COQ6: variants seen among roughly 807,000 people sequenced by gnomAD.
COQ6 encodes ubiquinone biosynthesis monooxygenase COQ6, mitochondrial.
In COQ6, 45 loss-of-function variants were observed where a neutral mutation model predicts 55.5. The observed-to-expected ratio is 0.81, with a 90% CI of 0.64 to 1.04. The LOEUF (loss-of-function observed/expected upper bound fraction) is 1.04, where lower values mean the gene tolerates loss of function less well. COQ6 is among the 50% of genes least tolerant of loss of function. The probability of loss-of-function intolerance (pLI) is 0.00; values close to 1 mark genes in which losing one functional copy is unlikely to be tolerated. For synonymous variants in COQ6, 206 were observed against 230.5 expected (o/e 0.89, Z 0.96); for missense variants, 550 against 601.3 (o/e 0.91, Z 0.89).
In COQ6 at chr14:73,958,996, G is replaced by C; in HGVS notation, c.638G>C (p.Gly213Ala). The change falls in exon 6 of 12, where the codon GGA (glycine) becomes GCA (alanine). Residue 213 changes from glycine (G) to alanine (A), a missense_variant. By Grantham distance (60) the Gly-to-Ala change is moderately conservative. Transcript: ENST00000334571. Reference sequence around the variant, plus strand: ...ATAGGTGCAGATGGTCACAACTCCGGAGTACGGCAGGCTGTTGGAATCCAG... The same window carrying C: ...ATAGGTGCAGATGGTCACAACTCCGCAGTACGGCAGGCTGTTGGAATCCAG... ...LLIGADGHNS[G>A]VRQAVGIQNV... The C allele has an allele frequency of 6.2e-7, 1 of 1,614,118 alleles. No individual in the cohort carries two copies. The highest frequency in any genetic ancestry group is 8.5e-7 in the Non-Finnish European group (1 of 1,180,042).
intron 1 of COQ6, 28 bp downstream of exon 1, chr14:73,950,523 C>A: frequency 6.3e-7 from 1 of 1,580,418 alleles, no homozygotes; most frequent in Non-Finnish European, 8.6e-7. Context: ...CTACTAGTGG[C>A]CGGAAACCGG....
intron 11 of COQ6, 192 bp from the exon 12 acceptor site, chr14:73,962,778 C>T (rs528224818): frequency 1.6e-6 from 1 of 611,864 alleles, no homozygotes; most frequent in African/African-American, 1.9e-5. Flanking sequence ...GATCACACCA[C>T]TGCACTCCAG....
At chr14:73,958,327 T>TC (rs2056542440) in intron 5 of COQ6, 50 bp downstream of exon 5, 16 of 1,612,030 alleles carry the variant, frequency 9.9e-6, no homozygotes, top group Non-Finnish European at 1.4e-5. Context: ...CTACATCTTA[T>TC]CCTAGATTCT....
upstream of COQ6, chr14:73,949,982 C>T: frequency 6.2e-7 from 1 of 1,613,528 alleles, no homozygotes. Context: ...CCTGACGGCT[C>T]CCCTCCGCGC....
chr14:73,954,949 AT>A (rs1446614095), intron 2 of COQ6, among the ~76,000 whole-genome samples: 12 of 91,726 alleles, frequency 1.3e-4, no homozygotes, highest in African/African-American at 3.5e-4. Flanking sequence ...TTTTTTTTTT[AT>A]TTTATTTTTT....
At chr14:73,958,366 A>G in intron 5 of COQ6, 89 bp downstream of exon 5, 1 of 1,597,944 alleles carries the variant, frequency 6.3e-7, no homozygotes. Context: ...TTTAAGCTAT[A>G]GTTTAATTTT....
Position 73,955,874 on chromosome 14 carries a change from G to T in COQ6, c.427G>T (p.Val143Leu), listed in dbSNP as rs144520464. 57 of 1,614,034 alleles carry T rather than the reference G, an allele frequency of 3.5e-5. 1 individual carries two copies. The highest frequency in any genetic ancestry group is 4.7e-5 in the Non-Finnish European group (55 of 1,180,032). Residue 143 changes from valine to leucine, a missense_variant, in exon 4 of 12, where the codon GTG becomes TTG. Val to Leu is a conservative substitution (Grantham distance 32). Coordinates refer to ENST00000334571, the MANE Select transcript of COQ6 (RefSeq NM_182476.3). Reference protein sequence around the residue: ...KDNLDDMGYIVENDVIMHALT... With the variant: ...KDNLDDMGYILENDVIMHALT... ...TAATTTAGATGACATGGGCTATATC[G>T]TGGAGAATGATGTCATCATGCATGC...
intron 11 of COQ6, among the ~76,000 whole-genome samples, chr14:73,962,326 A>G (rs1248863428): frequency 6.6e-6 from 1 of 152,080 alleles, no homozygotes; most frequent in Non-Finnish European, 1.5e-5. Flanking sequence ...AAGGGTTACA[A>G]GCAGAAGAGT....
At chr14:73,956,083 T>C in intron 4 of COQ6, 155 bp downstream of exon 4, 4 of 1,062,468 alleles carry the variant, frequency 3.8e-6, no homozygotes, top group Non-Finnish European at 5.6e-6. Context: ...CCAGCACTTT[T>C]GGAGGCTAAG....
chr14:73,950,108 C>G, upstream of COQ6: 1 of 1,602,640 alleles, frequency 6.2e-7, no homozygotes, highest in Non-Finnish European at 8.5e-7. Flanking sequence ...GGGCCAGGGT[C>G]CACCCCTTTC....
At chr14:73,959,918 C>T (rs750419856) in intron 8 of COQ6, 10 of 1,171,420 alleles carry the variant, frequency 8.5e-6, no homozygotes, top group Non-Finnish European at 1.1e-5. Flanking sequence ...TCAGCTGTCC[C>T]TTTCTACTTT....
chr14:73,958,923 A>G, intron 5 of COQ6, 48 bp from the exon 6 acceptor site: 1 of 1,610,480 alleles, frequency 6.2e-7, no homozygotes, highest in Non-Finnish European at 8.5e-7. Flanking sequence ...CTTCTGAAGC[A>G]GTTTATGAAG....
rs2056576340 is a variant in COQ6 at position 73,959,003 on chromosome 14, G to A, written c.645G>A (p.Arg215=). The change falls in exon 6 of 12, where the codon CGG becomes CGA. Residue 215 remains arginine (R), a synonymous_variant. Transcript: ENST00000334571. ...CAGATGGTCACAACTCCGGAGTACG[G>A]CAGGCTGTTGGAATCCAGAATGTGA... ...IGADGHNSGV[R]QAVGIQNVSW... is the part of the protein sequence containing the mutation. 6.2e-7 allele frequency: 1 copy of A among 1,614,124 alleles called. No homozygotes were observed. The highest frequency in any genetic ancestry group is 1.1e-5 in the South Asian group (1 of 91,072).
At chr14:73,960,760 A>G (rs1206331565) in intron 8 of COQ6, 2 of 426,832 alleles carry the variant, frequency 4.7e-6, no homozygotes, top group Non-Finnish European at 7.9e-6. Flanking sequence ...GGAAACACAG[A>G]GAAAGACTGG....
At position 73,950,475 on chromosome 14, in the gene COQ6, C is replaced by A; in HGVS notation, c.143C>A (p.Ala48Asp). The A allele has an allele frequency of 6.2e-7, 1 of 1,608,774 alleles. No homozygotes were observed. The highest frequency in any genetic ancestry group is 8.5e-7 in the Non-Finnish European group (1 of 1,178,348). The stretch of plus-strand genomic sequence containing the variant: ...GTGTCGGGTGGAGGCCTGGTGGGCG[C>A]TGCCATGGCCTGTGCCTTGGGTAAG... ...VVVSGGGLVG[A>D]AMACALGYDI... The change falls in exon 1 of 12, where the codon GCT (alanine) becomes GAT (aspartate). Residue 48 changes from alanine to aspartate, a missense_variant. Coordinates refer to ENST00000334571, the MANE Select transcript of COQ6 (RefSeq NM_182476.3).
In COQ6 at chr14:73,955,471, A is replaced by G; in HGVS notation, c.319A>G (p.Ile107Val). Residue 107 changes from isoleucine (I) to valine (V), a missense_variant, in exon 3 of 12, where the codon ATC becomes GTC. Ile to Val is a conservative substitution (Grantham distance 29). Coordinates refer to ENST00000334571, the MANE Select transcript of COQ6 (RefSeq NM_182476.3). ...LLSSFGAWDH[I>V]CNMRYRAFRR... ...TGTAGGTTTTGGTGCCTGGGACCATATCTGCAACATGAGATACAGAGCCTT... is the reference window on the plus strand; with the variant it reads ...TGTAGGTTTTGGTGCCTGGGACCATGTCTGCAACATGAGATACAGAGCCTT... The G allele has an allele frequency of 6.2e-7, 1 of 1,614,154 alleles. No homozygotes were observed. The highest frequency in any genetic ancestry group is 8.5e-7 in the Non-Finnish European group (1 of 1,180,002).
At position 73,963,023 on chromosome 14, in the gene COQ6, T is replaced by TA. The variant is rs1372179807; in HGVS notation, c.*25dup. 6.3e-7 allele frequency: 1 copy of TA among 1,583,014 alleles called. No homozygotes were observed. Among genetic ancestry groups the TA allele is most frequent in the Non-Finnish European group, 8.7e-7 (1 of 1,151,632 alleles). On this transcript the variant is annotated 3_prime_UTR_variant, in exon 12 of 12. Coordinates refer to ENST00000334571, the MANE Select transcript of COQ6 (RefSeq NM_182476.3). ...GAGTACTCCTCTCCTAAAGAAAGAT[T>TA]ACGTTGATGAAAAAGAACATCCTGC... is the stretch of plus-strand genomic sequence containing the variant.
chr14:73,962,799 AGAGT>A (rs1356518046), intron 11 of COQ6, 167 bp from the exon 12 acceptor site: 3 of 633,620 alleles, frequency 4.7e-6, no homozygotes, highest in Non-Finnish European at 8.5e-6. Flanking sequence ...CCCAGTCAAC[AGAGT>A]GAGACCCTGT....
intron 3 of COQ6, 88 bp downstream of exon 3, chr14:73,955,597 T>C (rs772795219): frequency 1.4e-6 from 2 of 1,402,386 alleles, no homozygotes; most frequent in Non-Finnish European, 1.0e-6. Flanking sequence ...TCTGTGAATG[T>C]AGGAGGAATC....
Sources: gnomAD v4.1 joint callset for allele counts (sites outside exome capture counted in the v4.1 genomes callset) on GRCh38, gnomAD v4.1.1 for gene constraint, MANE v1.5 for transcripts, NCBI Gene and HGNC (gene_info 2026-07-23, HGNC 2026-07-21) for gene names.